TEAD1: variants seen among roughly 807,000 people sequenced by gnomAD.
TEAD1 encodes the protein TEA domain transcription factor 1.
TEAD1 carries 9 observed loss-of-function variants against 54.9 expected under a neutral mutation model. The ratio of observed to expected loss-of-function variants is 0.16; its 90% CI spans 0.10 to 0.29. The LOEUF (loss-of-function observed/expected upper bound fraction) is 0.29, where lower values mean the gene tolerates loss of function less well. Ranked by LOEUF, TEAD1 falls within the 10% of genes least tolerant of loss-of-function variation. The pLI is 1.00. For missense variants in TEAD1, 387 were observed against 535.9 expected (o/e 0.72, Z 2.74); for synonymous variants, 200 against 187.8 (o/e 1.07, Z -0.53).
chr11:12,695,433 C>T (rs1158905271), intron 2 of TEAD1, among the ~76,000 whole-genome samples: 1 of 152,112 alleles, frequency 6.6e-6, no homozygotes, highest in African/African-American at 2.4e-5. Context: ...TTTTATTTGT[C>T]CTTCATTGAT....
chr11:12,717,751 A>G (rs1293520799), intron 2 of TEAD1, among the ~76,000 whole-genome samples: 2 of 152,188 alleles, frequency 1.3e-5, no homozygotes, highest in African/African-American at 4.8e-5. Flanking sequence ...GTTTGAATTC[A>G]CTAATTCTAG....
chr11:12,797,420 A>G (rs988790825), intron 3 of TEAD1, among the ~76,000 whole-genome samples: 8 of 152,156 alleles, frequency 5.3e-5, no homozygotes, highest in Non-Finnish European at 1.0e-4. Flanking sequence ...ACCCTATCCA[A>G]TGACAATTCT....
At position 12,684,330 on chromosome 11, in the gene TEAD1, A is replaced by T. The variant is rs114371447; in HGVS notation, c.-55+8769A>T. 6.0e-3 allele frequency among the ~76,000 whole-genome samples: 920 copies of T among 152,368 alleles called. 7 individuals carry two copies. Among genetic ancestry groups the T allele is most frequent in the African/African-American group, 0.02 (829 of 41,584 alleles). ...AAACTGGATAGCATGGTGCAACTTCATCTGTCTAAAAGAAAACCTTTTCCT... is the reference window on the plus strand; with the variant it reads ...AAACTGGATAGCATGGTGCAACTTCTTCTGTCTAAAAGAAAACCTTTTCCT... On this transcript the variant is annotated intron_variant, in intron 2 of 12. Transcript: ENST00000527636.
chr11:12,689,883 T>C (rs1590054502), intron 2 of TEAD1, among the ~76,000 whole-genome samples: 1 of 151,484 alleles, frequency 6.6e-6, no homozygotes, highest in African/African-American at 2.4e-5. Context: ...ATTTTAAAAA[T>C]ATGACTCTTT....
At chr11:12,871,139 G>T (rs146931871) in intron 5 of TEAD1, among the ~76,000 whole-genome samples, 9 of 152,312 alleles carry the variant, frequency 5.9e-5, no homozygotes, top group African/African-American at 2.2e-4. Context: ...TGTGAAAGAG[G>T]CTTCTAGGCC....
At chr11:12,872,789 A>G (rs1028563341) in intron 5 of TEAD1, among the ~76,000 whole-genome samples, 2 of 152,234 alleles carry the variant, frequency 1.3e-5, no homozygotes, top group African/African-American at 4.8e-5. Flanking sequence ...TAGTGAGGAC[A>G]AGGGCTCCTG....
chr11:12,851,136 G>GA (rs1005155220), intron 3 of TEAD1: 2 of 955,380 alleles, frequency 2.1e-6, no homozygotes, highest in Non-Finnish European at 2.5e-6. Context: ...GACACGGAAA[G>GA]AAAAAAACTA....
intron 2 of TEAD1, among the ~76,000 whole-genome samples, chr11:12,726,604 C>T (rs902849611): frequency 6.6e-6 from 1 of 152,204 alleles, no homozygotes; most frequent in Non-Finnish European, 1.5e-5. Context: ...CACGGTGGCT[C>T]ATGTCTATAA....
chr11:12,803,858 A>G (rs1202260713), intron 3 of TEAD1, among the ~76,000 whole-genome samples: 1 of 152,202 alleles, frequency 6.6e-6, no homozygotes, highest in Non-Finnish European at 1.5e-5. Flanking sequence ...GTGGAATTCT[A>G]ATCTAGACCT....
chr11:12,928,342 A>G (rs1948941493), intron 11 of TEAD1, among the ~76,000 whole-genome samples: 2 of 146,626 alleles, frequency 1.4e-5, no homozygotes, highest in South Asian at 2.1e-4. Context: ...ATGCAGTGGC[A>G]TGATCTTGGC....
At chr11:12,745,345 A>G (rs1210408947) in intron 2 of TEAD1, among the ~76,000 whole-genome samples, 1 of 152,210 alleles carries the variant, frequency 6.6e-6, no homozygotes, top group Admixed American at 6.5e-5. Context: ...TCTGGAAACT[A>G]GACTTTGGCT....
chr11:12,878,928 C>T (rs762834090), intron 5 of TEAD1: 1 of 1,284,576 alleles, frequency 7.8e-7, no homozygotes, highest in South Asian at 1.2e-5. Context: ...ACTGAGTATT[C>T]TGTATTTTAG....
At position 12,783,094 on chromosome 11, in the gene TEAD1, G is replaced by GACTT. The variant is rs1564938140; in HGVS notation, c.202+18660_202+18661insACTT. ...GTCTAGAAGTCACTAAACCAGGTAA[G>GACTT]GGTTTGTGTGTGTGTGTGTGTGTGT... On this transcript the variant is annotated intron_variant, in intron 3 of 12. Transcript: ENST00000527636. Among the ~76,000 whole-genome samples, 303 of 138,202 alleles carry GACTT rather than the reference G, an allele frequency of 2.2e-3. 1 individual carries two copies. Among genetic ancestry groups the GACTT allele is most frequent in the African/African-American group, 8.3e-3 (282 of 34,038 alleles). 90.7% of individuals were successfully genotyped at this position (138,202 alleles called of 152,430 possible).
intron 5 of TEAD1, among the ~76,000 whole-genome samples, chr11:12,870,573 G>A (rs1446385076): frequency 6.6e-6 from 1 of 152,324 alleles, no homozygotes; most frequent in Non-Finnish European, 1.5e-5. Context: ...CCCCCCCCGG[G>A]GTTGGGGCAT....
chr11:12,749,885 T>C (rs1944830836), intron 2 of TEAD1, among the ~76,000 whole-genome samples: 1 of 152,196 alleles, frequency 6.6e-6, no homozygotes, highest in East Asian at 1.9e-4. Flanking sequence ...TTGAACTGGA[T>C]GTAAACCAAG....
intron 5 of TEAD1, among the ~76,000 whole-genome samples, chr11:12,868,860 C>G (rs1947681218): frequency 6.6e-6 from 1 of 151,640 alleles, no homozygotes; most frequent in Non-Finnish European, 1.5e-5. Context: ...TGTTATTTTT[C>G]CAGTAGATAT....
intron 3 of TEAD1, among the ~76,000 whole-genome samples, chr11:12,792,094 A>G (rs1945814807): frequency 6.6e-6 from 1 of 152,136 alleles, no homozygotes; most frequent in Non-Finnish European, 1.5e-5. Context: ...TGTGCTTGGG[A>G]CACTCCTTGA....
chr11:12,806,797 G>C (rs548252186), intron 3 of TEAD1, among the ~76,000 whole-genome samples: 20 of 152,272 alleles, frequency 1.3e-4, no homozygotes, highest in African/African-American at 4.6e-4. Context: ...TGAAGTAGTT[G>C]TTCATTGTCA....
chr11:12,850,880 GAC>G (rs1947259498), intron 3 of TEAD1, among the ~76,000 whole-genome samples: 2 of 152,166 alleles, frequency 1.3e-5, no homozygotes, highest in Admixed American at 1.3e-4. Context: ...AAGTGGCAGG[GAC>G]ATGGGTATAG....
Sources: gnomAD v4.1 joint callset for allele counts (sites outside exome capture counted in the v4.1 genomes callset) on GRCh38, gnomAD v4.1.1 for gene constraint, MANE v1.5 for transcripts, NCBI Gene and HGNC (gene_info 2026-07-23, HGNC 2026-07-21) for gene names.